Variants in LUZP2 observed in about 807,000 individuals in gnomAD.
The protein encoded by LUZP2 is leucine zipper protein 2.
Under a neutral mutation model 51.6 loss-of-function variants are expected in LUZP2, and 52 were observed. The observed-to-expected ratio is 1.01, with a 90% CI of 0.81 to 1.27. The LOEUF (loss-of-function observed/expected upper bound fraction) is 1.27. Among genes scored for constraint, LUZP2 ranks in the 50% most tolerant of loss-of-function variants. The pLI is 0.00. For missense variants in LUZP2, 436 were observed against 395.4 expected (o/e 1.10, Z -0.87); for synonymous variants, 154 against 137.3 (o/e 1.12, Z -0.85).
intron 5 of LUZP2, among the ~76,000 whole-genome samples, chr11:24,802,881 G>A (rs1231684556): frequency 6.6e-6 from 1 of 151,964 alleles, no homozygotes; most frequent in Admixed American, 6.6e-5. Context: ...TATATAAAAG[G>A]TTGAAGAGAG....
chr11:24,723,822 C>A (rs1024938609), intron 1 of LUZP2, among the ~76,000 whole-genome samples: 1 of 151,680 alleles, frequency 6.6e-6, no homozygotes, highest in African/African-American at 2.4e-5. Context: ...GAGAGCAAGA[C>A]CCTATCTCTG....
At chr11:24,576,898 A>G (rs1852670951) in intron 1 of LUZP2, among the ~76,000 whole-genome samples, 1 of 152,082 alleles carries the variant, frequency 6.6e-6, no homozygotes, top group Non-Finnish European at 1.5e-5. Context: ...TTCCATGGCT[A>G]CTTATAAATA....
intron 1 of LUZP2, among the ~76,000 whole-genome samples, chr11:24,716,950 A>G (rs1858069877): frequency 6.6e-6 from 1 of 152,112 alleles, no homozygotes; most frequent in Middle Eastern, 3.2e-3. Flanking sequence ...ATGAAGAAGT[A>G]CATGCTTTCA....
chr11:24,966,083 T>G (rs1380387829), intron 7 of LUZP2, among the ~76,000 whole-genome samples: 2 of 151,806 alleles, frequency 1.3e-5, no homozygotes, highest in Non-Finnish European at 3.0e-5. Flanking sequence ...TTTACTTGCT[T>G]TATCTGATAA....
chr11:24,671,571 CA>C, intron 1 of LUZP2, among the ~76,000 whole-genome samples: 1 of 151,816 alleles, frequency 6.6e-6, no homozygotes, highest in African/African-American at 2.4e-5. Context: ...TACACACACA[CA>C]CACACACACA....
At chr11:24,682,307 C>T (rs1481546852) in intron 1 of LUZP2, among the ~76,000 whole-genome samples, 1 of 151,722 alleles carries the variant, frequency 6.6e-6, no homozygotes, top group Non-Finnish European at 1.5e-5. Context: ...CCAGCCTGGC[C>T]AACATGCTGA....
intron 1 of LUZP2, among the ~76,000 whole-genome samples, chr11:24,498,525 G>T (rs1019868653): frequency 6.6e-6 from 1 of 152,070 alleles, no homozygotes; most frequent in Non-Finnish European, 1.5e-5. Flanking sequence ...ACAAAGCCCA[G>T]GTGACTTTCC....
chr11:24,715,421 T>G (rs1002638196), intron 1 of LUZP2, among the ~76,000 whole-genome samples: 11 of 152,122 alleles, frequency 7.2e-5, no homozygotes, highest in South Asian at 2.1e-4. Flanking sequence ...TTTGATAATT[T>G]GAACCTCACC....
intron 5 of LUZP2, among the ~76,000 whole-genome samples, chr11:24,815,708 A>G (rs769325837): frequency 1.3e-5 from 2 of 152,162 alleles, no homozygotes; most frequent in Non-Finnish European, 2.9e-5. Flanking sequence ...CAGAGAATCA[A>G]CTTCCTTGGA....
intron 5 of LUZP2, among the ~76,000 whole-genome samples, chr11:24,860,162 C>G (rs1467202117): frequency 6.6e-6 from 1 of 152,222 alleles, no homozygotes; most frequent in Non-Finnish European, 1.5e-5. Context: ...GTCCAACACA[C>G]TGGCTGTCAT....
chr11:24,919,803 A>G (rs567121112), intron 7 of LUZP2, among the ~76,000 whole-genome samples: 1 of 150,988 alleles, frequency 6.6e-6, no homozygotes, highest in Non-Finnish European at 1.5e-5. Context: ...AATTATTGCT[A>G]CCTAGTACAG....
chr11:24,530,685 C>G (rs543104701), intron 1 of LUZP2, among the ~76,000 whole-genome samples: 40 of 146,916 alleles, frequency 2.7e-4, no homozygotes, highest in South Asian at 1.5e-3. Context: ...TACATTTTGC[C>G]TTTTTATTTT....
intron 1 of LUZP2, among the ~76,000 whole-genome samples, chr11:24,551,812 G>A (rs1314090297): frequency 1.3e-5 from 2 of 151,930 alleles, no homozygotes; most frequent in African/African-American, 2.4e-5. Context: ...GCAAAAACAT[G>A]CAATACTAGA....
At chr11:24,913,945 A>G (rs1853715197) in intron 6 of LUZP2, among the ~76,000 whole-genome samples, 2 of 152,178 alleles carry the variant, frequency 1.3e-5, no homozygotes, top group Non-Finnish European at 1.5e-5. Flanking sequence ...GTATTTTCCT[A>G]TTAGTGATGG....
chr11:24,730,675 T>G (rs1858681710), intron 2 of LUZP2, among the ~76,000 whole-genome samples: 1 of 151,786 alleles, frequency 6.6e-6, no homozygotes, highest in Non-Finnish European at 1.5e-5. Flanking sequence ...TTGAGAATAT[T>G]GAAAGCATAT....
chr11:24,868,546 G>C (rs1199142042), intron 5 of LUZP2, among the ~76,000 whole-genome samples: 1 of 152,006 alleles, frequency 6.6e-6, no homozygotes, highest in African/African-American at 2.4e-5. Context: ...TTTGTTGCAG[G>C]AGTCTGTCCA....
At chr11:24,722,643 C>A (rs187861968) in intron 1 of LUZP2, among the ~76,000 whole-genome samples, 44 of 152,186 alleles carry the variant, frequency 2.9e-4, no homozygotes, top group Non-Finnish European at 5.3e-4. Flanking sequence ...CAGGGCCAGG[C>A]ACAGTGGTTC....
chr11:24,847,036 A>G (rs1851224554), intron 5 of LUZP2, among the ~76,000 whole-genome samples: 1 of 151,832 alleles, frequency 6.6e-6, no homozygotes, highest in African/African-American at 2.4e-5. Flanking sequence ...GTATACACAC[A>G]TATATAGATA....
At chr11:24,677,971 A>C (rs1856619841) in intron 1 of LUZP2, among the ~76,000 whole-genome samples, 1 of 148,498 alleles carries the variant, frequency 6.7e-6, no homozygotes, top group African/African-American at 2.5e-5. Context: ...TGGGAGGTGG[A>C]GCTTGCAGTG....
Sources: gnomAD v4.1 joint callset for allele counts (sites outside exome capture counted in the v4.1 genomes callset) on GRCh38, gnomAD v4.1.1 for gene constraint, MANE v1.5 for transcripts, NCBI Gene and HGNC (gene_info 2026-07-23, HGNC 2026-07-21) for gene names.